Variants in VAMP7 observed in about 807,000 individuals in gnomAD.
VAMP7 encodes vesicle-associated membrane protein 7.
VAMP7 carries 14 observed loss-of-function variants against 29.6 expected under a neutral mutation model. The ratio of observed to expected loss-of-function variants is 0.47; its 90% CI spans 0.31 to 0.74. The LOEUF (loss-of-function observed/expected upper bound fraction) is 0.74, where lower values mean the gene tolerates loss of function less well. VAMP7 is among the 30% of genes least tolerant of loss of function. The probability of loss-of-function intolerance (pLI) is 0.05; values close to 1 mark genes in which losing one functional copy is unlikely to be tolerated. For missense variants in VAMP7, 223 were observed against 262.4 expected (o/e 0.85, Z 1.04); for synonymous variants, 95 against 88.1 (o/e 1.08, Z -0.44).
intron 6 of VAMP7, among the ~76,000 whole-genome samples, chrX:155,929,420 C>T (rs781206184): frequency 5.1e-4 from 77 of 152,248 alleles, no homozygotes; most frequent in African/African-American, 1.8e-3. Context: ...GGCAGCTAGT[C>T]AGCAACAAAT....
At chrX:155,932,706 C>T (rs960172549) in intron 6 of VAMP7, among the ~76,000 whole-genome samples, 11 of 152,278 alleles carry the variant, frequency 7.2e-5, no homozygotes, top group Non-Finnish European at 1.2e-4. Context: ...ATGTCTTTCT[C>T]TTGCCTGATT....
chrX:155,942,283 T>C lies in VAMP7; in HGVS notation c.*332T>C, dbSNP rs1265629553. 1.1e-5 allele frequency: 12 copies of C among 1,048,750 alleles called. No individual in the cohort carries two copies. The highest frequency in any genetic ancestry group is 1.2e-5 in the Non-Finnish European group (9 of 740,724). The allele number at this position is 1,048,750 out of a possible 1,614,324, so 65.0% of individuals were successfully genotyped here. A position where few individuals can be genotyped will look rare whatever the true frequency, so the allele number is the denominator to read the frequency against. On this transcript the variant is annotated 3_prime_UTR_variant, in exon 8 of 8. Transcript: ENST00000286448. ...CTGTCGCCGCTAGTCTTATGAGCTA[T>C]CTACTAAAACTATGGAGAAACTTTG... is the stretch of plus-strand genomic sequence containing the variant.
chrX:155,909,435 T>G (rs1036866243), intron 5 of VAMP7, among the ~76,000 whole-genome samples: 31 of 152,180 alleles, frequency 2.0e-4, no homozygotes, highest in Non-Finnish European at 4.1e-4. Flanking sequence ...AACTTCTGGT[T>G]TCATAGATTT....
chrX:155,904,887 CAT>C (rs980522076), intron 5 of VAMP7, among the ~76,000 whole-genome samples: 1 of 128,034 alleles, frequency 7.8e-6, no homozygotes, highest in Non-Finnish European at 1.6e-5. Context: ...TTTGTGTGAG[CAT>C]ATATATATAT....
rs747480362 is a variant in VAMP7, at chrX:155,917,538, T to C, written c.434-2275T>C. ...GATGTTGATGCTATTCCTTTCTGTT[T>C]GTTAGTTTTCCTTCTAACAGGCCTC... On this transcript the variant is annotated intron_variant, in intron 5 of 7. Transcript: ENST00000286448. 1.3e-3 allele frequency among the ~76,000 whole-genome samples: 204 copies of C among 152,320 alleles called. 3 individuals carry two copies. In the South Asian group the frequency reaches 0.041, roughly 31 times the overall value.
chrX:155,907,395 G>C (rs904225009), intron 5 of VAMP7, among the ~76,000 whole-genome samples: 5 of 152,010 alleles, frequency 3.3e-5, no homozygotes, highest in African/African-American at 1.2e-4. Context: ...AAGGTCTCTG[G>C]TTTTCCTAGG....
At chrX:155,931,115 G>C (rs1470182118) in intron 6 of VAMP7, among the ~76,000 whole-genome samples, 2 of 152,118 alleles carry the variant, frequency 1.3e-5, no homozygotes, top group Non-Finnish European at 2.9e-5. Context: ...TATCATTGTT[G>C]GACATTTGGG....
intron 2 of VAMP7, among the ~76,000 whole-genome samples, chrX:155,891,336 C>T (rs766321694): frequency 5.3e-5 from 8 of 152,250 alleles, no homozygotes; most frequent in South Asian, 4.2e-4. Flanking sequence ...ACATAGAATA[C>T]GCCTCTTCTC....
chrX:155,937,443 G>T (rs2066677387), intron 6 of VAMP7, among the ~76,000 whole-genome samples: 1 of 152,140 alleles, frequency 6.6e-6, no homozygotes, highest in African/African-American at 2.4e-5. Context: ...AAGTAACTAT[G>T]TGAGGTGATG....
intron 7 of VAMP7, among the ~76,000 whole-genome samples, chrX:155,940,414 T>G (rs1315387065): frequency 2.0e-5 from 3 of 152,174 alleles, no homozygotes; most frequent in Non-Finnish European, 4.4e-5. Context: ...GACAGCTGGA[T>G]TTATCTAAAA....
chrX:155,936,115 G>A (rs1177702353), intron 6 of VAMP7, among the ~76,000 whole-genome samples: 8 of 152,094 alleles, frequency 5.3e-5, no homozygotes. Flanking sequence ...CTCTACTGGG[G>A]GGTACCTCCC....
chrX:155,917,286 T>C (rs1337113875), intron 5 of VAMP7, among the ~76,000 whole-genome samples: 1 of 152,184 alleles, frequency 6.6e-6, no homozygotes, highest in African/African-American at 2.4e-5. Context: ...CTTAGTTTCC[T>C]TGCATGGGGT....
Position 155,912,659 on chromosome X carries a change from C to T in VAMP7, c.434-7154C>T, listed in dbSNP as rs150164828. The stretch of plus-strand genomic sequence containing the variant: ...CCTTGCTGAGAATGATGGTTTCCAG[C>T]TTCATCCATGTCCCTGCAAAGGACA... On this transcript the variant is annotated intron_variant, in intron 5 of 7. Transcript: ENST00000286448. Among the ~76,000 whole-genome samples the T allele has an allele frequency of 6.6e-3, 997 of 152,178 alleles. 4 individuals carry two copies. The highest frequency in any genetic ancestry group is 0.014 in the Middle Eastern group (4 of 292).
At chrX:155,899,980 C>A (rs980693094) in intron 4 of VAMP7, among the ~76,000 whole-genome samples, 2 of 151,986 alleles carry the variant, frequency 1.3e-5, no homozygotes, top group South Asian at 4.2e-4. Flanking sequence ...TATATATTAT[C>A]AGTGTCTTAG....
chrX:155,930,301 C>T (rs1420219362), intron 6 of VAMP7, among the ~76,000 whole-genome samples: 2 of 152,050 alleles, frequency 1.3e-5, no homozygotes, highest in African/African-American at 2.4e-5. Context: ...CTTTTCCCCA[C>T]CCTAAATCAC....
chrX:155,928,252 T>C (rs1462457958), intron 6 of VAMP7, among the ~76,000 whole-genome samples: 2 of 152,222 alleles, frequency 1.3e-5, no homozygotes, highest in African/African-American at 4.8e-5. Flanking sequence ...AGTGTCTTTT[T>C]ATATTTGGTT....
intron 2 of VAMP7, 23 bp from the exon 3 acceptor site, chrX:155,895,600 G>C (rs767754910): frequency 1.5e-5 from 23 of 1,582,998 alleles, no homozygotes; most frequent in Non-Finnish European, 1.8e-5. Context: ...ACCACAGTAA[G>C]TTTTATATCT....
intron 6 of VAMP7, among the ~76,000 whole-genome samples, chrX:155,932,959 A>G (rs2066586270): frequency 6.6e-6 from 1 of 152,104 alleles, no homozygotes; most frequent in South Asian, 2.1e-4. Context: ...TATTGAGATG[A>G]TCGTGTGTTT....
intron 6 of VAMP7, among the ~76,000 whole-genome samples, chrX:155,923,300 G>A (rs2066421486): frequency 6.6e-6 from 1 of 151,742 alleles, no homozygotes; most frequent in Admixed American, 6.6e-5. Context: ...TCTATCTGAT[G>A]TTATTTTCTT....
Sources: gnomAD v4.1 joint callset for allele counts (sites outside exome capture counted in the v4.1 genomes callset) on GRCh38, gnomAD v4.1.1 for gene constraint, MANE v1.5 for transcripts, NCBI Gene and HGNC (gene_info 2026-07-23, HGNC 2026-07-21) for gene names.